Variants in ACHE observed in about 807,000 individuals in gnomAD.
The protein encoded by ACHE is acetylcholinesterase.
In ACHE, 19 loss-of-function variants were observed where a neutral mutation model predicts 53.9. That is an observed-to-expected ratio of 0.35 (90% confidence interval 0.25 to 0.52). The LOEUF (loss-of-function observed/expected upper bound fraction) is 0.52. Among genes scored for constraint, ACHE ranks in the 20% least tolerant of loss-of-function variants. ACHE has a pLI of 0.95. For missense variants in ACHE, 605 were observed against 849.4 expected, an observed-to-expected ratio of 0.71 and a Z score of 3.58; for synonymous variants, 392 against 378.1, an observed-to-expected ratio of 1.04 and a Z score of -0.43.
intron 4 of ACHE, 149 bp downstream of exon 4, chr7:100,891,020 G>A: frequency 6.9e-7 from 1 of 1,456,166 alleles, no homozygotes; most frequent in Non-Finnish European, 9.1e-7. Context: ...AGGAGGGGCA[G>A]GGGGAGGCCG....
At chr7:100,891,397 T>C in intron 3 of ACHE, 59 bp from the exon 4 acceptor site, 1 of 1,466,908 alleles carries the variant, frequency 6.8e-7, no homozygotes, top group South Asian at 1.4e-5. Flanking sequence ...GGCCCCCAAC[T>C]CCACGGGATC....
chr7:100,892,288 C>G lies in ACHE; in HGVS notation c.1553+46G>C, dbSNP rs199754698. Reference sequence around the variant, plus strand: ...GTCTGCCTTTGTGTGTCCTCCCGCCCCCGACTCCTGTCCTCCCCAGCCTTC... The same window carrying G: ...GTCTGCCTTTGTGTGTCCTCCCGCCGCCGACTCCTGTCCTCCCCAGCCTTC... On this transcript the variant is annotated intron_variant, in intron 3 of 4. Transcript: ENST00000241069. The surrounding 1 kb of genome is among the most constrained non-coding windows in gnomAD (Gnocchi z 5.2). 12 of 1,475,504 alleles carry G rather than the reference C, an allele frequency of 8.1e-6. No homozygotes were observed. Among genetic ancestry groups the G allele is most frequent in the Non-Finnish European group, 9.9e-6 (11 of 1,109,052 alleles). 91.4% of individuals were successfully genotyped at this position (1,475,504 alleles called of 1,614,324 possible).
At chr7:100,895,204 A>T (rs938217370) in intron 1 of ACHE, among the ~76,000 whole-genome samples, 1 of 147,140 alleles carries the variant, frequency 6.8e-6, no homozygotes, top group Middle Eastern at 3.6e-3. Flanking sequence ...CCGGGTGGGA[A>T]CTCCCCCCTC....
At chr7:100,891,847 C>T (rs1790721560) in intron 3 of ACHE, among the ~76,000 whole-genome samples, 2 of 144,184 alleles carry the variant, frequency 1.4e-5, no homozygotes, top group Non-Finnish European at 3.0e-5. Flanking sequence ...GTGGTGCCAT[C>T]ATAGCTCACT....
At chr7:100,891,146 G>T in intron 4 of ACHE, 23 bp downstream of exon 4, 1 of 1,583,332 alleles carries the variant, frequency 6.3e-7, no homozygotes, top group South Asian at 1.1e-5. Context: ...CCTCCCAGCC[G>T]CTGCCCGCTG....
intron 4 of ACHE, 170 bp downstream of exon 4, chr7:100,890,999 G>A (rs1373127444): frequency 2.1e-6 from 3 of 1,459,358 alleles, no homozygotes; most frequent in East Asian, 4.9e-5. Context: ...AGGAGAAGCT[G>A]GTGGAGGAGG....
At chr7:100,891,479 G>C (rs1034997284) in intron 3 of ACHE, 141 bp from the exon 4 acceptor site, 30 of 798,184 alleles carry the variant, frequency 3.8e-5, no homozygotes, top group Non-Finnish European at 3.4e-5. Flanking sequence ...TCCAATGTGC[G>C]CGGTCATTGG....
chr7:100,894,993 C>T (rs952323977), intron 1 of ACHE, among the ~76,000 whole-genome samples: 1 of 152,074 alleles, frequency 6.6e-6, no homozygotes, highest in East Asian at 1.9e-4. Context: ...AAAAGGTCGG[C>T]GCTCCCCGCC....
At chr7:100,891,120 G>A (rs1790657896) in intron 4 of ACHE, 49 bp downstream of exon 4, 1 of 1,562,962 alleles carries the variant, frequency 6.4e-7, no homozygotes. Flanking sequence ...TACACCTGGC[G>A]GGCTCCCACT....
At chr7:100,896,545 T>C (rs111601339), upstream of ACHE, 103 of 210,360 alleles carry the variant, frequency 4.9e-4, 1 homozygote, top group African/African-American at 2.3e-3. Context: ...AGGGGTGACT[T>C]GGGACACCTG....
In ACHE at chr7:100,893,795, G is replaced by A. The variant is rs376061794; in HGVS notation, c.438C>T (p.Leu146=). 28 of 1,613,728 alleles carry A rather than the reference G, an allele frequency of 1.7e-5. No individual in the cohort carries two copies. Among genetic ancestry groups the A allele is most frequent in the African/African-American group, 4.0e-5 (3 of 74,930 alleles). ...AGAAGCCACCCCCATAGATCCAGAC[G>A]AGGACAGGGGTGGGGGATGTAGGCC... ...YPRPTSPTPV[L]VWIYGGGFYS... Residue 146 remains leucine (L), a synonymous_variant, in exon 2 of 5, where the codon CTC becomes CTT. Coordinates refer to ENST00000241069, the MANE Select transcript of ACHE (RefSeq NM_000665.5).
In ACHE at chr7:100,892,765, G is replaced by T; in HGVS notation, c.1122C>A (p.Ala374=). 1 of 1,608,866 alleles carries T rather than the reference G, an allele frequency of 6.2e-7. No homozygotes were observed. The highest frequency in any genetic ancestry group is 8.5e-7 in the Non-Finnish European group (1 of 1,178,964). Residue 374 remains alanine (A), a synonymous_variant, in exon 3 of 5, where the codon GCC becomes GCA. Transcript: ENST00000241069. The surrounding 1 kb of genome is among the most constrained non-coding windows in gnomAD (Gnocchi z 5.2). ...ACTCGTTGTCTTTGCTGAAGCCTGG[G>T]GCCCCGTAAACCAGAAAATACGAGC... ...DEGSYFLVYG[A]PGFSKDNESL...
chr7:100,893,207 G>A lies in ACHE; in HGVS notation c.1026C>T (p.Thr342=), dbSNP rs1351005026. Residue 342 remains threonine (T), a synonymous_variant, in exon 2 of 5, where the codon ACC becomes ACT. Coordinates refer to ENST00000241069, the MANE Select transcript of ACHE (RefSeq NM_000665.5). ...PVVDGDFLSD[T]PEALINAGDF... ...CTCCCGCGTTGATGAGGGCCTCTGG[G>A]GTGTCACTGAGGAAGTCTCCATCTA... The A allele has an allele frequency of 1.2e-6, 2 of 1,614,064 alleles. No homozygotes were observed. Among genetic ancestry groups the A allele is most frequent in the South Asian group, 1.1e-5 (1 of 91,076 alleles).
Position 100,893,387 on chromosome 7 carries a change from C to G in ACHE, c.846G>C (p.Leu282=), listed in dbSNP as rs1584774926. The G allele has an allele frequency of 3.7e-6, 6 of 1,613,038 alleles. No homozygotes were observed. In the African/African-American group the frequency reaches 8.0e-5, roughly 22 times the overall value. Residue 282 remains leucine (L), a synonymous_variant, in exon 2 of 5, where the codon CTG becomes CTC. Coordinates refer to ENST00000241069, the MANE Select transcript of ACHE (RefSeq NM_000665.5). The part of the protein sequence containing the change: ...MGEARRRATQ[L]AHLVGCPPGG... ...CTGGAGGACAGCCCACAAGGTGGGC[C>G]AGCTGCGTGGCCCTGCGACGGGCCT... is the stretch of plus-strand genomic sequence containing the variant.
chr7:100,895,018 G>C (rs1369503574), intron 1 of ACHE, among the ~76,000 whole-genome samples: 1 of 152,156 alleles, frequency 6.6e-6, no homozygotes, highest in Non-Finnish European at 1.5e-5. Flanking sequence ...GCCAGGAGCC[G>C]GGAACTTGGG....
At position 100,893,261 on chromosome 7, in the gene ACHE, G is replaced by A. The variant is rs774522835; in HGVS notation, c.972C>T (p.Ser324=). 6.8e-6 allele frequency: 11 copies of A among 1,614,100 alleles called. No homozygotes were observed. The highest frequency in any genetic ancestry group is 1.3e-5 in the African/African-American group (1 of 75,050). Reference sequence around the variant, plus strand: ...CAGGCACGAAGGAGAACCGGAAGACGCTTTCTTGAGGCAGCACGTGCCATT... The same window carrying A: ...CAGGCACGAAGGAGAACCGGAAGACACTTTCTTGAGGCAGCACGTGCCATT... The part of the protein sequence containing the change: ...NHEWHVLPQE[S]VFRFSFVPVV... The change falls in exon 2 of 5, where the codon AGC becomes AGT. Residue 324 remains serine (S), a synonymous_variant. Transcript: ENST00000241069.
chr7:100,894,399 GGAA>G, intron 1 of ACHE, 147 bp from the exon 2 acceptor site: 2 of 491,036 alleles, frequency 4.1e-6, no homozygotes, highest in Non-Finnish European at 7.0e-6. Context: ...AGGGAGGGAG[GGAA>G]GGAGACAGGC....
chr7:100,890,516 A>G, intron 4 of ACHE, 181 bp from the exon 5 acceptor site: 1 of 1,418,874 alleles, frequency 7.0e-7, no homozygotes, highest in South Asian at 1.4e-5. Flanking sequence ...GAGAGGGAGG[A>G]TGAGGGCAGA....
intron 1 of ACHE, among the ~76,000 whole-genome samples, 156 bp downstream of exon 1, chr7:100,895,646 A>C (rs1182496777): frequency 1.3e-5 from 2 of 152,014 alleles, no homozygotes; most frequent in African/African-American, 4.8e-5. Context: ...GCGGCCGGGG[A>C]AGAGTTCCGG....
Sources: allele counts gnomAD v4.1 joint callset (sites outside exome capture counted in the v4.1 genomes callset), GRCh38; gene constraint gnomAD v4.1.1; non-coding constraint Gnocchi (gnomAD v3.1); transcripts MANE v1.5; gene names NCBI Gene and HGNC (gene_info 2026-07-23, HGNC 2026-07-21).